Variants in PTCD2 observed in about 807,000 individuals in gnomAD.
PTCD2 encodes pentatricopeptide repeat domain 2, also known as pentatricopeptide repeat-containing protein 2, mitochondrial.
In PTCD2, 31 loss-of-function variants were observed where a neutral mutation model predicts 42.6. That is an observed-to-expected ratio of 0.73 (90% CI 0.55 to 0.98). The LOEUF (loss-of-function observed/expected upper bound fraction) is 0.98, where lower values mean the gene tolerates loss of function less well. PTCD2 is among the 50% of genes least tolerant of loss of function. PTCD2 has a pLI of 0.00. For synonymous variants in PTCD2, 183 were observed against 170.9 expected (o/e 1.07, Z -0.55); for missense variants, 476 against 454.8 (o/e 1.05, Z -0.42).
Position 72,353,603 on chromosome 5 carries a change from T to C in PTCD2, c.942+849T>C, listed in dbSNP as rs181261576. Among the ~76,000 whole-genome samples, 26 of 152,286 alleles carry C rather than the reference T, an allele frequency of 1.7e-4. No individual in the cohort carries two copies. In the East Asian group the frequency reaches 4.6e-3, roughly 27 times the overall value. On this transcript the variant is annotated intron_variant, in intron 9 of 9. Coordinates refer to ENST00000380639, the MANE Select transcript of PTCD2 (RefSeq NM_024754.5). Reference sequence around the variant, plus strand: ...TAAGAGTTGCTAGGTCTAGCAGATATCAAAGCATGTTAAAGTTTCTATAAT... The same window carrying C: ...TAAGAGTTGCTAGGTCTAGCAGATACCAAAGCATGTTAAAGTTTCTATAAT...
At chr5:72,342,547 A>C (rs536108070) in intron 7 of PTCD2, among the ~76,000 whole-genome samples, 65 of 152,286 alleles carry the variant, frequency 4.3e-4, no homozygotes, top group Non-Finnish European at 1.3e-4. Context: ...TCTGCCTCTG[A>C]CTGCTTTCTC....
At chr5:72,326,218 C>A (rs1331823910) in intron 2 of PTCD2, among the ~76,000 whole-genome samples, 1 of 152,198 alleles carries the variant, frequency 6.6e-6, no homozygotes, top group African/African-American at 2.4e-5. Flanking sequence ...GTTTGGGTGT[C>A]TGGCTACATT....
intron 4 of PTCD2, among the ~76,000 whole-genome samples, 182 bp downstream of exon 4, chr5:72,331,557 G>A (rs1751441569): frequency 6.6e-6 from 1 of 152,154 alleles, no homozygotes; most frequent in Non-Finnish European, 1.5e-5. Flanking sequence ...GGGGGGTGGA[G>A]TAATATAGAA....
chr5:72,320,519 G>A lies in PTCD2; in HGVS notation c.127+10G>A, dbSNP rs1302597849. The A allele has an allele frequency of 3.7e-6, 6 of 1,613,600 alleles. 1 individual carries two copies. In the South Asian group the frequency reaches 6.6e-5, roughly 18 times the overall value. On this transcript the variant is annotated intron_variant, in intron 1 of 9. Transcript: ENST00000380639. ...CGCTGCCCTCTCGGAGGTATCCGCG[G>A]CTTTAGCCTAGGGAAGGAGGGGAGG... is the stretch of plus-strand genomic sequence containing the variant.
At chr5:72,338,928 G>A (rs1172398011) in intron 7 of PTCD2, among the ~76,000 whole-genome samples, 193 bp downstream of exon 7, 10 of 152,104 alleles carry the variant, frequency 6.6e-5, no homozygotes, top group Non-Finnish European at 1.0e-4. Flanking sequence ...ATTTACAGTT[G>A]GGGACCTAAC....
chr5:72,343,700 A>AG (rs374846041), intron 8 of PTCD2, among the ~76,000 whole-genome samples: 177 of 152,238 alleles, frequency 1.2e-3, no homozygotes, highest in African/African-American at 4.0e-3. Context: ...AGGAAAAAAA[A>AG]TTATCTCAGA....
At chr5:72,351,488 C>G (rs1020513905) in intron 8 of PTCD2, among the ~76,000 whole-genome samples, 2 of 152,160 alleles carry the variant, frequency 1.3e-5, no homozygotes, top group African/African-American at 4.8e-5. Flanking sequence ...TTACTGTTAT[C>G]CATTTTCACA....
In PTCD2 at chr5:72,363,129, G is replaced by C. The variant is rs191556730; in HGVS notation, c.*4702G>C. ...GGTTATACTGAAAACAGGAGTCATG[G>C]GAGACTTGATCTTGCTTAAAGGATA... On this transcript the variant is annotated 3_prime_UTR_variant, in exon 10 of 10. Coordinates refer to ENST00000380639, the MANE Select transcript of PTCD2 (RefSeq NM_024754.5). The C allele has an allele frequency of 2.0e-5, 3 of 152,312 alleles. No homozygotes were observed. Among genetic ancestry groups the C allele is most frequent in the African/African-American group, 2.4e-5 (1 of 41,568 alleles). The allele number at this position is 152,312 out of a possible 1,614,324, so 9.4% of individuals were successfully genotyped here.
Position 72,362,140 on chromosome 5 carries a change from C to T in PTCD2, c.*3713C>T, listed in dbSNP as rs907790221. ...GTCCCCCATGGACAGCTTTTCGTCT[C>T]TAATACCATACACTCAGTGCAGGGT... On this transcript the variant is annotated 3_prime_UTR_variant, in exon 10 of 10. Coordinates refer to ENST00000380639, the MANE Select transcript of PTCD2 (RefSeq NM_024754.5). 6.6e-6 allele frequency: 1 copy of T among 152,238 alleles called. No homozygotes were observed. Among genetic ancestry groups the T allele is most frequent in the South Asian group, 2.1e-4 (1 of 4,838 alleles). 9.4% of individuals were successfully genotyped at this position (152,238 alleles called of 1,614,324 possible).
intron 9 of PTCD2, 47 bp from the exon 10 acceptor site, chr5:72,358,156 G>A: frequency 6.7e-7 from 1 of 1,485,412 alleles, no homozygotes. Flanking sequence ...TAAGAATAAG[G>A]AAGAAATCTT....
chr5:72,326,157 C>T (rs536296216), intron 2 of PTCD2, among the ~76,000 whole-genome samples: 1 of 152,352 alleles, frequency 6.6e-6, no homozygotes, highest in East Asian at 1.9e-4. Flanking sequence ...AACCTACCTT[C>T]AACTCACATT....
At chr5:72,331,731 T>C (rs764457945) in intron 4 of PTCD2, among the ~76,000 whole-genome samples, 1 of 152,174 alleles carries the variant, frequency 6.6e-6, no homozygotes, top group Non-Finnish European at 1.5e-5. Context: ...CTCGATTTTG[T>C]ATTTGTATTT....
intron 8 of PTCD2, among the ~76,000 whole-genome samples, chr5:72,346,397 A>T (rs1752362098): frequency 6.6e-6 from 1 of 152,210 alleles, no homozygotes; most frequent in Non-Finnish European, 1.5e-5. Flanking sequence ...GAGGCAGAGG[A>T]AGCACCAGAA....
At chr5:72,356,433 G>A (rs1464426788) in intron 9 of PTCD2, among the ~76,000 whole-genome samples, 3 of 152,194 alleles carry the variant, frequency 2.0e-5, no homozygotes, top group Non-Finnish European at 2.9e-5. Context: ...TATAACTCCA[G>A]TAGCTTTTGA....
intron 4 of PTCD2, among the ~76,000 whole-genome samples, chr5:72,333,650 A>G (rs186212847): frequency 5.3e-5 from 8 of 152,344 alleles, no homozygotes; most frequent in Admixed American, 3.9e-4. Flanking sequence ...ACAAAATTTC[A>G]GTAAGATGGA....
In PTCD2 at chr5:72,322,359, A is replaced by G. The variant is rs541127255; in HGVS notation, c.220+95A>G. The G allele has an allele frequency of 6.5e-6, 5 of 764,872 alleles. No individual in the cohort carries two copies. In the Admixed American group the frequency reaches 1.1e-4, roughly 17 times the overall value. 47.4% of individuals were successfully genotyped at this position (764,872 alleles called of 1,614,324 possible). ...CAGTGTCTCCTTCAGTGACTTTATT[A>G]TGCCTTAGAAAAAGTTGAGACCATT... On this transcript the variant is annotated intron_variant, in intron 2 of 9. Transcript: ENST00000380639.
chr5:72,331,463 G>C, intron 4 of PTCD2, 88 bp downstream of exon 4: 1 of 973,010 alleles, frequency 1.0e-6, no homozygotes, highest in Middle Eastern at 2.1e-4. Flanking sequence ...ATTATTCCTG[G>C]GTTAGATTTT....
intron 4 of PTCD2, 38 bp from the exon 5 acceptor site, chr5:72,334,980 T>A: frequency 7.5e-7 from 1 of 1,327,906 alleles, no homozygotes; most frequent in Non-Finnish European, 1.1e-6. Context: ...ATAAATAGTT[T>A]TAACTTTTAA....
chr5:72,365,013 G>A lies in PTCD2; in HGVS notation c.*6586G>A, dbSNP rs980022286. 1.3e-5 allele frequency: 2 copies of A among 152,356 alleles called. No homozygotes were observed. The highest frequency in any genetic ancestry group is 4.8e-5 in the African/African-American group (2 of 41,430). The allele number at this position is 152,356 out of a possible 1,614,324, so 9.4% of individuals were successfully genotyped here. ...CCCGCTTGGCCTGCCTTGCCCAGCT[G>A]ACTTTCTTCCAAGGGCCTCAGAGGC... On this transcript the variant is annotated 3_prime_UTR_variant, in exon 10 of 10. Coordinates refer to ENST00000380639, the MANE Select transcript of PTCD2 (RefSeq NM_024754.5).
Sources: gnomAD v4.1 joint callset for allele counts (sites outside exome capture counted in the v4.1 genomes callset) on GRCh38, gnomAD v4.1.1 for gene constraint, MANE v1.5 for transcripts, NCBI Gene and HGNC (gene_info 2026-07-23, HGNC 2026-07-21) for gene names.